The following SVIP variants were observed in gnomAD, a reference collection of about 807,000 sequenced individuals.
The protein encoded by SVIP is small VCP interacting protein, also known as small VCP/p97-interacting protein.
Under a neutral mutation model 12.9 loss-of-function variants are expected in SVIP, and 14 were observed. The ratio of observed to expected loss-of-function variants is 1.08; its 90% CI spans 0.72 to 1.70. The LOEUF is 1.70. Among genes scored for constraint, SVIP ranks in the 40% most tolerant of loss-of-function variants. SVIP has a pLI of 0.00. For missense variants in SVIP, 93 were observed against 90.8 expected, an observed-to-expected ratio of 1.02 and a Z score of -0.10; for synonymous variants, 35 against 33.3, an observed-to-expected ratio of 1.05 and a Z score of -0.17.
chr11:22,824,984 C>G (rs756085008), intron 3 of SVIP, among the ~76,000 whole-genome samples: 1 of 152,090 alleles, frequency 6.6e-6, no homozygotes, highest in Non-Finnish European at 1.5e-5. Flanking sequence ...ATCCTGATGC[C>G]ATCATCACAT....
Position 22,827,194 on chromosome 11 carries a change from T to C in SVIP, c.219+13A>G. 8 of 1,594,758 alleles carry C rather than the reference T, an allele frequency of 5.0e-6. No individual in the cohort carries two copies. The highest frequency in any genetic ancestry group is 6.9e-6 in the Non-Finnish European group (8 of 1,166,000). ...CCAGTTAAGTTAATCACTAAGAAAA[T>C]TTTAATACTTACCCTAAGTCCACCT... On this transcript the variant is annotated intron_variant, in intron 3 of 3. Transcript: ENST00000354193.
intron 3 of SVIP, among the ~76,000 whole-genome samples, chr11:22,826,194 C>A (rs1005154511): frequency 6.6e-6 from 1 of 152,068 alleles, no homozygotes; most frequent in Non-Finnish European, 1.5e-5. Context: ...GATGAAGTAA[C>A]GTACAATAGT....
In SVIP at chr11:22,822,090, T is replaced by C. The variant is rs1250790061; in HGVS notation, c.*1029A>G. On this transcript the variant is annotated 3_prime_UTR_variant, in exon 4 of 4. Coordinates refer to ENST00000354193, the MANE Select transcript of SVIP (RefSeq NM_148893.3). ...CAAATTCTTTTATTTCAGTGTATTA[T>C]ATAGGAGAAACAAAAAATGCTATAA... The C allele has an allele frequency of 6.6e-6, 1 of 152,190 alleles. No homozygotes were observed. The highest frequency in any genetic ancestry group is 1.5e-5 in the Non-Finnish European group (1 of 68,008). 9.4% of individuals were successfully genotyped at this position (152,190 alleles called of 1,614,324 possible).
chr11:22,825,368 C>G (rs1042525498), intron 3 of SVIP, among the ~76,000 whole-genome samples: 2 of 152,032 alleles, frequency 1.3e-5, no homozygotes, highest in African/African-American at 4.8e-5. Context: ...ATGTGTCAAG[C>G]AGAATGGAGC....
rs111406577 is a variant in SVIP at position 22,829,776 on chromosome 11, G to C, written c.-28C>G. On this transcript the variant is annotated 5_prime_UTR_variant, in exon 1 of 4. Transcript: ENST00000354193. Reference sequence around the variant, plus strand: ...GGACGACAGCTTGAGAACCCTGACCGGGTCCGGCCCAGGCCAGGCGGCGCT... The same window carrying C: ...GGACGACAGCTTGAGAACCCTGACCCGGTCCGGCCCAGGCCAGGCGGCGCT... 5.3e-3 allele frequency: 8,468 copies of C among 1,591,242 alleles called. 345 individuals are homozygous for C. In the African/African-American group the frequency reaches 0.095, roughly 18 times the overall value.
Position 22,829,727 on chromosome 11 carries a change from G to C in SVIP, c.22C>G (p.Pro8Ala), listed in dbSNP as rs763093877. MGLCFPC[P>A]GESAPPTPDL... ...GGCGTGGGAGGCGCGGACTCCCCGG[G>C]ACAAGGAAAACACAGCCCCATAGGG... The change falls in exon 1 of 4, where the codon CCC (proline) becomes GCC (alanine). Residue 8 changes from proline to alanine, a missense_variant. By Grantham distance (27) the Pro-to-Ala change is conservative. Transcript: ENST00000354193. 2 of 1,607,676 alleles carry C rather than the reference G, an allele frequency of 1.2e-6. No homozygotes were observed. Among genetic ancestry groups the C allele is most frequent in the South Asian group, 1.1e-5 (1 of 89,728 alleles).
rs1857464658 is a variant in SVIP, at chr11:22,821,070, C to T, written c.*2049G>A. 1 of 148,272 alleles carries T rather than the reference C, an allele frequency of 6.7e-6. No homozygotes were observed. Among genetic ancestry groups the T allele is most frequent in the Non-Finnish European group, 1.5e-5 (1 of 67,358 alleles). The allele number at this position is 148,272 out of a possible 1,614,324, so 9.2% of individuals were successfully genotyped here. ...GCATGTGTGTGTGTGTATATACACA[C>T]ACATATATAAATTAGAATTTGCAGA... On this transcript the variant is annotated 3_prime_UTR_variant, in exon 4 of 4. Coordinates refer to ENST00000354193, the MANE Select transcript of SVIP (RefSeq NM_148893.3).
chr11:22,827,935 ACATTT>A, intron 1 of SVIP, 61 bp from the exon 2 acceptor site: 1 of 1,270,170 alleles, frequency 7.9e-7, no homozygotes, highest in Non-Finnish European at 1.1e-6. Context: ...TAAATTATTC[ACATTT>A]ATTTCATAGG....
intron 1 of SVIP, among the ~76,000 whole-genome samples, chr11:22,828,208 C>T (rs927909005): frequency 2.6e-5 from 4 of 152,004 alleles, no homozygotes; most frequent in Non-Finnish European, 4.4e-5. Context: ...TTGTTACTGC[C>T]GGTTAAAATG....
rs1857457067 is a variant in SVIP at position 22,820,911 on chromosome 11, G to A, written c.*2208C>T. 1 of 151,608 alleles carries A rather than the reference G, an allele frequency of 6.6e-6. No homozygotes were observed. The highest frequency in any genetic ancestry group is 2.4e-5 in the African/African-American group (1 of 41,276). The allele number at this position is 151,608 out of a possible 1,614,324, so 9.4% of individuals were successfully genotyped here. A position where few individuals can be genotyped will look rare whatever the true frequency, so the allele number is the denominator to read the frequency against. ...CAATTATAGTTTAGTAATAGGTCAG[G>A]GGTTTGAGCAACATTTTAAGCATTA... On this transcript the variant is annotated 3_prime_UTR_variant, in exon 4 of 4. Coordinates refer to ENST00000354193, the MANE Select transcript of SVIP (RefSeq NM_148893.3).
intron 1 of SVIP, chr11:22,829,173 A>G (rs1857844713): frequency 6.6e-6 from 1 of 152,406 alleles, no homozygotes; most frequent in African/African-American, 2.4e-5. Flanking sequence ...GGGAGAACGT[A>G]AAAGAATGAG....
chr11:22,824,268 CTTGAG>C (rs1181243969), intron 3 of SVIP, among the ~76,000 whole-genome samples: 2 of 151,928 alleles, frequency 1.3e-5, no homozygotes, highest in African/African-American at 2.4e-5. Flanking sequence ...TCTTTTCCTT[CTTGAG>C]TTAAGAAAAT....
chr11:22,827,600 A>G (rs1857765516), intron 2 of SVIP, among the ~76,000 whole-genome samples: 1 of 152,118 alleles, frequency 6.6e-6, no homozygotes. Context: ...TTACTAAAAG[A>G]GTATCTGAAT....
intron 3 of SVIP, among the ~76,000 whole-genome samples, chr11:22,826,354 A>ATGTGTG (rs368709146): frequency 2.0e-4 from 29 of 145,354 alleles, no homozygotes; most frequent in African/African-American, 6.5e-4. Flanking sequence ...ATGTATGTGC[A>ATGTGTG]TGTGTGTGTG....
chr11:22,829,637 A>G (rs2134777975), intron 1 of SVIP, 58 bp downstream of exon 1: 20 of 1,513,910 alleles, frequency 1.3e-5, no homozygotes, highest in Non-Finnish European at 1.7e-5. Flanking sequence ...CCGCCCCGCA[A>G]CCCGAGGACA....
intron 1 of SVIP, 144 bp from the exon 2 acceptor site, chr11:22,828,018 A>G: frequency 1.8e-6 from 1 of 542,548 alleles, no homozygotes; most frequent in Non-Finnish European, 3.0e-6. Flanking sequence ...CCACTACTCA[A>G]CTTTTTGAAT....
rs1857520395 is a variant in SVIP, at chr11:22,822,457, C to G, written c.*662G>C. 6.6e-6 allele frequency: 1 copy of G among 152,044 alleles called. No individual in the cohort carries two copies. The highest frequency in any genetic ancestry group is 2.4e-5 in the African/African-American group (1 of 41,410). 9.4% of individuals were successfully genotyped at this position (152,044 alleles called of 1,614,324 possible). Reference sequence around the variant, plus strand: ...ACATCACTGCCCTCTGATGGTATCACTAATATATAATTTTAAATTCAGCAA... The same window carrying G: ...ACATCACTGCCCTCTGATGGTATCAGTAATATATAATTTTAAATTCAGCAA... On this transcript the variant is annotated 3_prime_UTR_variant, in exon 4 of 4. Coordinates refer to ENST00000354193, the MANE Select transcript of SVIP (RefSeq NM_148893.3).
rs576957408 is a variant in SVIP at position 22,826,499 on chromosome 11, G to A, written c.219+708C>T. ...ATATACTACTATTTACTTTAAAAAT[G>A]GACCAAGAATAAATTCTTAATATCT... is the stretch of plus-strand genomic sequence containing the variant. On this transcript the variant is annotated intron_variant, in intron 3 of 3. Transcript: ENST00000354193. 1.8e-4 allele frequency among the ~76,000 whole-genome samples: 27 copies of A among 152,202 alleles called. No homozygotes were observed. The East Asian group carries it at 4.8e-3, about 27-fold the overall frequency.
At chr11:22,825,548 G>A (rs1331738904) in intron 3 of SVIP, among the ~76,000 whole-genome samples, 1 of 152,136 alleles carries the variant, frequency 6.6e-6, no homozygotes, top group East Asian at 1.9e-4. Context: ...GTGAGTTTGA[G>A]AGATTTCTTA....
Sources: allele counts gnomAD v4.1 joint callset (sites outside exome capture counted in the v4.1 genomes callset), GRCh38; gene constraint gnomAD v4.1.1; transcripts MANE v1.5; gene names NCBI Gene and HGNC (gene_info 2026-07-23, HGNC 2026-07-21).